Variants in NOX4 observed in about 807,000 individuals in gnomAD.
NOX4 encodes the protein NADPH oxidase 4, also known as kidney oxidase-1.
A neutral mutation model predicts 87.6 loss-of-function variants in NOX4; 69 were observed. That is an observed-to-expected ratio of 0.79 (90% confidence interval 0.65 to 0.96). The LOEUF is 0.96. Among genes scored for constraint, NOX4 ranks in the 40% least tolerant of loss-of-function variants. NOX4 has a pLI of 0.00. For missense variants in NOX4, 680 were observed against 681.5 expected (o/e 1.00, Z 0.02); for synonymous variants, 275 against 238.2 (o/e 1.15, Z -1.42).
At chr11:89,456,669 G>A (rs1565316111) in intron 2 of NOX4, among the ~76,000 whole-genome samples, 1 of 152,110 alleles carries the variant, frequency 6.6e-6, no homozygotes, top group Non-Finnish European at 1.5e-5. Flanking sequence ...TCCTCACCAG[G>A]AATCCCCAAA....
At chr11:89,430,918 C>T (rs1943745157) in intron 7 of NOX4, among the ~76,000 whole-genome samples, 1 of 152,150 alleles carries the variant, frequency 6.6e-6, no homozygotes, top group South Asian at 2.1e-4. Flanking sequence ...GCCAAAAGAA[C>T]AAAGCTGGAG....
chr11:89,539,590 C>T, the NOX4 span, among the ~76,000 whole-genome samples: 1 of 152,132 alleles, frequency 6.6e-6, no homozygotes, highest in Non-Finnish European at 1.5e-5. Context: ...TCCCCTCTCT[C>T]TCTTTCCCTT....
chr11:89,575,734 C>T, the NOX4 span, among the ~76,000 whole-genome samples: 3 of 150,682 alleles, frequency 2.0e-5, no homozygotes, highest in African/African-American at 4.9e-5. Context: ...CTTCTTTTTC[C>T]TTCTCCCTCT....
chr11:89,581,559 C>T, the NOX4 span, among the ~76,000 whole-genome samples: 1 of 152,006 alleles, frequency 6.6e-6, no homozygotes, highest in Non-Finnish European at 1.5e-5. Flanking sequence ...TTCTAATAAC[C>T]ACTGACTTAC....
chr11:89,536,522 A>G, the NOX4 span, among the ~76,000 whole-genome samples: 1 of 152,114 alleles, frequency 6.6e-6, no homozygotes, highest in East Asian at 1.9e-4. Context: ...AGTTATCTAA[A>G]GTGTTGTAGA....
intron 11 of NOX4, among the ~76,000 whole-genome samples, chr11:89,383,840 C>T (rs1397637666): frequency 2.0e-5 from 3 of 152,126 alleles, no homozygotes; most frequent in Non-Finnish European, 4.4e-5. Context: ...GCCTCCTTTA[C>T]ATCCTCCCCT....
the NOX4 span, among the ~76,000 whole-genome samples, chr11:89,523,064 C>T: frequency 6.6e-6 from 1 of 151,762 alleles, no homozygotes; most frequent in Non-Finnish European, 1.5e-5. Context: ...CTTGCTCTGT[C>T]GCCAGGCTGA....
At chr11:89,354,486 C>T (rs369539543) in intron 13 of NOX4, among the ~76,000 whole-genome samples, 7 of 151,990 alleles carry the variant, frequency 4.6e-5, no homozygotes, top group African/African-American at 1.7e-4. Context: ...GTTTTCAATA[C>T]GATAAATAAG....
chr11:89,475,387 ATAT>A, intron 2 of NOX4, among the ~76,000 whole-genome samples: 1 of 152,228 alleles, frequency 6.6e-6, no homozygotes, highest in South Asian at 2.1e-4. Context: ...TTGAAGAATA[ATAT>A]TGTCTTCAAA....
At chr11:89,555,073 A>G in the NOX4 span, among the ~76,000 whole-genome samples, 1 of 152,112 alleles carries the variant, frequency 6.6e-6, no homozygotes, top group African/African-American at 2.4e-5. Flanking sequence ...GTGGTACAAG[A>G]CTTATAATAG....
At chr11:89,365,753 C>CAAAAAAAAAAAAA (rs1213376592) in intron 12 of NOX4, among the ~76,000 whole-genome samples, 7 of 56,644 alleles carry the variant, frequency 1.2e-4, no homozygotes, top group African/African-American at 4.7e-4. Context: ...ACCACGCCCA[C>CAAAAAAAAAAAAA]AAAAAAAAAA....
the NOX4 span, among the ~76,000 whole-genome samples, chr11:89,572,578 C>T: frequency 6.6e-6 from 1 of 152,078 alleles, no homozygotes; most frequent in Non-Finnish European, 1.5e-5. Flanking sequence ...GAGACGGAGT[C>T]TCACTCTGTC....
upstream of NOX4, among the ~76,000 whole-genome samples, chr11:89,501,500 T>A (rs1437152621): frequency 6.6e-6 from 1 of 152,042 alleles, no homozygotes; most frequent in Non-Finnish European, 1.5e-5. Context: ...CAAAAGATTG[T>A]TTTTGCTGTG....
At chr11:89,394,898 A>G (rs539354880) in intron 11 of NOX4, among the ~76,000 whole-genome samples, 13 of 152,196 alleles carry the variant, frequency 8.5e-5, no homozygotes, top group African/African-American at 2.2e-4. Context: ...AATCCACTCT[A>G]TCATTGATGG....
At chr11:89,376,726 C>CA (rs1939868339) in intron 11 of NOX4, among the ~76,000 whole-genome samples, 2 of 151,984 alleles carry the variant, frequency 1.3e-5, no homozygotes, top group Admixed American at 6.6e-5. Flanking sequence ...ACTAAAAATA[C>CA]AAAAAATTAG....
intron 8 of NOX4, among the ~76,000 whole-genome samples, chr11:89,405,485 TA>T (rs1942116586): frequency 6.6e-6 from 1 of 151,888 alleles, no homozygotes; most frequent in Non-Finnish European, 1.5e-5. Flanking sequence ...ACTATAGTAA[TA>T]AAAACAATAT....
chr11:89,408,697 A>C (rs1469460049), intron 8 of NOX4, among the ~76,000 whole-genome samples: 1 of 152,268 alleles, frequency 6.6e-6, no homozygotes, highest in African/African-American at 2.4e-5. Context: ...TCTAGCTCTT[A>C]CTGGTGGGGT....
intron 7 of NOX4, among the ~76,000 whole-genome samples, chr11:89,425,108 A>C (rs1943304238): frequency 6.6e-6 from 1 of 152,096 alleles, no homozygotes; most frequent in African/African-American, 2.4e-5. Context: ...AGGATTTTAA[A>C]ATAAGTATGT....
At chr11:89,496,673 AAC>A (rs1156506135), upstream of NOX4, among the ~76,000 whole-genome samples, 1 of 152,164 alleles carries the variant, frequency 6.6e-6, no homozygotes, top group African/African-American at 2.4e-5. Flanking sequence ...AACTGAAAAC[AAC>A]AGTCACAGAA....
Sources: gnomAD v4.1 joint callset for allele counts (sites outside exome capture counted in the v4.1 genomes callset) on GRCh38, gnomAD v4.1.1 for gene constraint, MANE v1.5 for transcripts, NCBI Gene and HGNC (gene_info 2026-07-23, HGNC 2026-07-21) for gene names.